The following CPQ variants were observed in gnomAD, a reference collection of about 807,000 sequenced individuals.
CPQ encodes the protein carboxypeptidase Q.
In CPQ, 37 loss-of-function variants were observed where a neutral mutation model predicts 45.7. The ratio of observed to expected loss-of-function variants is 0.81; its 90% CI spans 0.62 to 1.07. The LOEUF is 1.07. Among genes scored for constraint, CPQ ranks in the 50% least tolerant of loss-of-function variants. The pLI, the probability that CPQ is intolerant of heterozygous loss-of-function variation, is 0.00. For missense variants in CPQ, 537 were observed against 572.9 expected (o/e 0.94, Z 0.64); for synonymous variants, 186 against 205.8 (o/e 0.90, Z 0.82).
chr8:97,018,288 A>T (rs1459807755), intron 5 of CPQ, among the ~76,000 whole-genome samples: 1 of 152,174 alleles, frequency 6.6e-6, no homozygotes, highest in Non-Finnish European at 1.5e-5. Flanking sequence ...AATGAGAAGG[A>T]ACCAGAAAAC....
intron 3 of CPQ, among the ~76,000 whole-genome samples, chr8:96,851,678 A>AT (rs1462495408): frequency 6.6e-6 from 1 of 152,218 alleles, no homozygotes; most frequent in Non-Finnish European, 1.5e-5. Flanking sequence ...ATTGGCCATT[A>AT]TAAGTGTCAA....
chr8:97,034,891 A>G (rs1304116820), intron 6 of CPQ, among the ~76,000 whole-genome samples: 2 of 123,026 alleles, frequency 1.6e-5, no homozygotes, highest in Non-Finnish European at 3.5e-5. Context: ...GTCCCTTTCT[A>G]TTTTTTTTTT....
chr8:96,987,801 T>C (rs1390122500), intron 5 of CPQ, among the ~76,000 whole-genome samples: 2 of 152,174 alleles, frequency 1.3e-5, no homozygotes, highest in Non-Finnish European at 2.9e-5. Context: ...TATTTCCTCT[T>C]ATGGAAGATA....
chr8:96,833,228 A>G (rs933694443), intron 2 of CPQ, among the ~76,000 whole-genome samples: 6 of 152,068 alleles, frequency 3.9e-5, no homozygotes, highest in Admixed American at 3.9e-4. Flanking sequence ...GCTACTAGTG[A>G]TTTGCATTGG....
chr8:96,825,292 G>T (rs1333034045), intron 2 of CPQ, among the ~76,000 whole-genome samples: 2 of 152,012 alleles, frequency 1.3e-5, no homozygotes, highest in African/African-American at 2.4e-5. Flanking sequence ...CTTTCCCTGG[G>T]CCTATAGTTA....
chr8:96,677,702 T>C (rs889189976), intron 1 of CPQ, among the ~76,000 whole-genome samples: 1 of 151,922 alleles, frequency 6.6e-6, no homozygotes, highest in Non-Finnish European at 1.5e-5. Flanking sequence ...ATTTTTGTTT[T>C]TGTTACATTT....
intron 7 of CPQ, among the ~76,000 whole-genome samples, chr8:97,087,017 A>C (rs1811050863): frequency 6.6e-6 from 1 of 152,202 alleles, no homozygotes; most frequent in Non-Finnish European, 1.5e-5. Flanking sequence ...AGTTTTTAAT[A>C]AACCTCATTA....
intron 4 of CPQ, among the ~76,000 whole-genome samples, chr8:96,931,605 A>G (rs1455388385): frequency 6.6e-6 from 1 of 152,114 alleles, no homozygotes; most frequent in Non-Finnish European, 1.5e-5. Flanking sequence ...AGCTTCCTTT[A>G]GTATGACTTC....
chr8:97,034,176 G>A (rs1034019849), intron 6 of CPQ, among the ~76,000 whole-genome samples: 1 of 152,046 alleles, frequency 6.6e-6, no homozygotes, highest in African/African-American at 2.4e-5. Context: ...AACACTTCAA[G>A]GAAACAAACT....
chr8:96,940,226 C>A (rs1813106741), intron 4 of CPQ, among the ~76,000 whole-genome samples: 1 of 152,058 alleles, frequency 6.6e-6, no homozygotes, highest in Admixed American at 6.6e-5. Flanking sequence ...CCTTTCAATT[C>A]TTTCCAACTC....
At chr8:96,687,406 T>C (rs1338506096) in intron 1 of CPQ, among the ~76,000 whole-genome samples, 1 of 151,930 alleles carries the variant, frequency 6.6e-6, no homozygotes, top group Non-Finnish European at 1.5e-5. Context: ...AGAGATGGGG[T>C]TTCACCATAT....
intron 5 of CPQ, among the ~76,000 whole-genome samples, chr8:97,025,767 T>C (rs1809789248): frequency 6.6e-6 from 1 of 152,226 alleles, no homozygotes. Context: ...CCTGTATATA[T>C]TTAAGACTTG....
chr8:96,701,244 G>A (rs1472969088), intron 1 of CPQ, among the ~76,000 whole-genome samples: 1 of 152,076 alleles, frequency 6.6e-6, no homozygotes, highest in Non-Finnish European at 1.5e-5. Context: ...TGTGAAATGG[G>A]GATAGGCAGT....
At chr8:97,044,704 A>C (rs1271781606) in intron 6 of CPQ, among the ~76,000 whole-genome samples, 1 of 152,182 alleles carries the variant, frequency 6.6e-6, no homozygotes, top group Admixed American at 6.5e-5. Flanking sequence ...CTTCTAACAG[A>C]CAGGACCCTC....
intron 4 of CPQ, among the ~76,000 whole-genome samples, chr8:96,917,830 A>G (rs1812752538): frequency 6.6e-6 from 1 of 152,118 alleles, no homozygotes; most frequent in Non-Finnish European, 1.5e-5. Context: ...TTTCTGTAAG[A>G]TCCCAATAGT....
At chr8:96,724,062 A>T (rs1173993252) in intron 1 of CPQ, among the ~76,000 whole-genome samples, 2 of 151,874 alleles carry the variant, frequency 1.3e-5, no homozygotes, top group Non-Finnish European at 2.9e-5. Flanking sequence ...ATTTGAACTA[A>T]TCATCATTCT....
At chr8:97,133,879 C>G (rs948845407) in intron 7 of CPQ, among the ~76,000 whole-genome samples, 1 of 152,208 alleles carries the variant, frequency 6.6e-6, no homozygotes, top group South Asian at 2.1e-4. Context: ...AAAGAATGTA[C>G]TGCCTACCTT....
At chr8:96,718,516 G>A (rs1809715592) in intron 1 of CPQ, among the ~76,000 whole-genome samples, 1 of 152,140 alleles carries the variant, frequency 6.6e-6, no homozygotes, top group Non-Finnish European at 1.5e-5. Flanking sequence ...GCAGACCTTC[G>A]TGGTGAGTGT....
chr8:97,045,252 G>A (rs1442567044), intron 6 of CPQ, among the ~76,000 whole-genome samples: 2 of 151,712 alleles, frequency 1.3e-5, no homozygotes, highest in Non-Finnish European at 2.9e-5. Flanking sequence ...TGCTGTGCTA[G>A]CAATCAGTGA....
Sources: allele counts gnomAD v4.1 joint callset (sites outside exome capture counted in the v4.1 genomes callset), GRCh38; gene constraint gnomAD v4.1.1; transcripts MANE v1.5; gene names NCBI Gene and HGNC (gene_info 2026-07-23, HGNC 2026-07-21).